PLD5: variants seen among roughly 807,000 people sequenced by gnomAD.
PLD5 encodes inactive phospholipase D5.
In PLD5, 36 loss-of-function variants were observed where a neutral mutation model predicts 61.1. The ratio of observed to expected loss-of-function variants is 0.59; its 90% confidence interval spans 0.45 to 0.78. The LOEUF is 0.78. Among genes scored for constraint, PLD5 ranks in the 30% least tolerant of loss-of-function variants. The probability of loss-of-function intolerance (pLI) is 0.00; values close to 1 mark genes in which losing one functional copy is unlikely to be tolerated. For missense variants in PLD5, 515 were observed against 644.4 expected (o/e 0.80, Z 2.17); for synonymous variants, 243 against 242.8 (o/e 1.00, Z -0.01).
At chr1:242,116,735 G>T (rs764466078) in intron 6 of PLD5, among the ~76,000 whole-genome samples, 1 of 152,176 alleles carries the variant, frequency 6.6e-6, no homozygotes, top group East Asian at 1.9e-4. Context: ...TGCTGCAAAA[G>T]ACATGATTTT....
At chr1:242,366,880 T>G (rs1385716978) in intron 1 of PLD5, among the ~76,000 whole-genome samples, 5 of 152,176 alleles carry the variant, frequency 3.3e-5, no homozygotes, top group Non-Finnish European at 5.9e-5. Context: ...TTTTTGTGTT[T>G]TACAACCCTG....
chr1:242,150,148 T>C (rs753734243), intron 5 of PLD5, among the ~76,000 whole-genome samples: 8 of 151,830 alleles, frequency 5.3e-5, no homozygotes, highest in Non-Finnish European at 8.9e-5. Context: ...TATTCATATA[T>C]TCACAGATTG....
In PLD5 at chr1:242,404,875, A is replaced by ATTTTTTTTTT. The variant is rs11361107; in HGVS notation, c.190-56643_190-56634dup. On this transcript the variant is annotated intron_variant, in intron 1 of 9. Coordinates refer to ENST00000536534, the MANE Select transcript of PLD5 (RefSeq NM_001372062.1). Reference sequence around the variant, plus strand: ...CATGCCTCTTATCTGTTCCCTGCTAATTTTTTTTTTTTTTTTTTTTTTGAG... The same window carrying ATTTTTTTTTT: ...CATGCCTCTTATCTGTTCCCTGCTAATTTTTTTTTTTTTTTTTTTTTTTTTTTTTTTTGAG... Among the ~76,000 whole-genome samples the ATTTTTTTTTT allele has an allele frequency of 3.0e-3, 223 of 75,378 alleles. 25 individuals are homozygous for ATTTTTTTTTT. The highest frequency in any genetic ancestry group is 0.011 in the African/African-American group (186 of 16,346). The allele number at this position is 75,378 out of a possible 152,430, so 49.5% of individuals were successfully genotyped here. A position where few individuals can be genotyped will look rare whatever the true frequency, so the allele number is the denominator to read the frequency against.
intron 5 of PLD5, among the ~76,000 whole-genome samples, chr1:242,161,049 ATAT>A (rs1483199675): frequency 1.3e-5 from 2 of 152,050 alleles, no homozygotes; most frequent in Admixed American, 1.3e-4. Context: ...TGGTACAATA[ATAT>A]TTACTGCATT....
chr1:242,368,171 G>A (rs1438617425), intron 1 of PLD5, among the ~76,000 whole-genome samples: 1 of 152,080 alleles, frequency 6.6e-6, no homozygotes. Flanking sequence ...GACTTTTGCT[G>A]GAATGATTCA....
chr1:242,295,697 G>A (rs1263840063), intron 2 of PLD5, among the ~76,000 whole-genome samples: 1 of 152,134 alleles, frequency 6.6e-6, no homozygotes, highest in Non-Finnish European at 1.5e-5. Context: ...TCTATTTTTA[G>A]TTTGCTGAGA....
chr1:242,500,522 G>A (rs193291112), intron 1 of PLD5, among the ~76,000 whole-genome samples: 172 of 152,244 alleles, frequency 1.1e-3, no homozygotes, highest in African/African-American at 3.8e-3. Flanking sequence ...ATTAAGTGCC[G>A]AACTGTGATA....
intron 5 of PLD5, among the ~76,000 whole-genome samples, chr1:242,198,036 G>A (rs1558332709): frequency 6.6e-6 from 1 of 152,104 alleles, no homozygotes; most frequent in Non-Finnish European, 1.5e-5. Context: ...TGCCAGTGGA[G>A]CCTGGTACAG....
Position 242,394,705 on chromosome 1 carries a change from C to T in PLD5, c.190-46463G>A, listed in dbSNP as rs185824864. ...GAACATATATGTGTATATATGTGAA[C>T]ATATATGTGTATATATGTGAACATA... On this transcript the variant is annotated intron_variant, in intron 1 of 9. Coordinates refer to ENST00000536534, the MANE Select transcript of PLD5 (RefSeq NM_001372062.1). Among the ~76,000 whole-genome samples, 32 of 25,848 alleles carry T rather than the reference C, an allele frequency of 1.2e-3. 6 individuals carry two copies. The highest frequency in any genetic ancestry group is 2.7e-3 in the African/African-American group (11 of 4,116). 17.0% of individuals were successfully genotyped at this position (25,848 alleles called of 152,430 possible).
Position 242,413,301 on chromosome 1 carries a change from T to A in PLD5, c.190-65059A>T, listed in dbSNP as rs566384375. On this transcript the variant is annotated intron_variant, in intron 1 of 9. Transcript: ENST00000536534. ...ATATTTTTCTAACCCTTTGTCGTCATGATCTCTCTTTTTTTTTTTTCTACC... is the reference window on the plus strand; with the variant it reads ...ATATTTTTCTAACCCTTTGTCGTCAAGATCTCTCTTTTTTTTTTTTCTACC... 8.8e-4 allele frequency among the ~76,000 whole-genome samples: 134 copies of A among 152,218 alleles called. 1 individual carries two copies. The highest frequency in any genetic ancestry group is 2.3e-3 in the African/African-American group (97 of 41,518).
chr1:242,354,129 C>A (rs1237659019), intron 1 of PLD5, among the ~76,000 whole-genome samples: 1 of 151,896 alleles, frequency 6.6e-6, no homozygotes, highest in South Asian at 2.1e-4. Flanking sequence ...TGGCAGGAAC[C>A]AGCAGATGAT....
chr1:242,256,314 T>C lies in PLD5; in HGVS notation c.607+9023A>G, dbSNP rs1002253110. 1.3e-5 allele frequency among the ~76,000 whole-genome samples: 2 copies of C among 152,250 alleles called. No individual in the cohort carries two copies. The highest frequency in any genetic ancestry group is 4.8e-5 in the African/African-American group (2 of 41,462). On this transcript the variant is annotated intron_variant, in intron 4 of 9. Transcript: ENST00000536534. This position sits in a 1 kb window ranked among gnomAD's most constrained non-coding sequence, Gnocchi z 5.7. ...ATATGGATAAAAAGATAGGGAAATC[T>C]AGAAATTTAATTTTAAAATCTCATG...
intron 2 of PLD5, among the ~76,000 whole-genome samples, chr1:242,301,744 GTTTA>G (rs992195643): frequency 3.2e-4 from 43 of 133,234 alleles, no homozygotes; most frequent in Middle Eastern, 4.1e-3. Context: ...CCTTCCGTAG[GTTTA>G]TTTTTATTTT....
At chr1:242,148,566 C>T (rs1416622746) in intron 5 of PLD5, among the ~76,000 whole-genome samples, 1 of 151,828 alleles carries the variant, frequency 6.6e-6, no homozygotes, top group African/African-American at 2.4e-5. Context: ...ACCTATTGCT[C>T]AGTTTGAGGG....
chr1:242,114,582 A>G (rs953841525), intron 6 of PLD5, among the ~76,000 whole-genome samples: 2 of 152,222 alleles, frequency 1.3e-5, no homozygotes, highest in Non-Finnish European at 2.9e-5. Flanking sequence ...GCAAAGCTTC[A>G]TCTGTATTTA....
At chr1:242,242,010 T>TATAC (rs1266949663) in intron 4 of PLD5, among the ~76,000 whole-genome samples, 1 of 118,694 alleles carries the variant, frequency 8.4e-6, no homozygotes, top group South Asian at 2.8e-4. Flanking sequence ...TATATATATA[T>TATAC]AGACACACAC....
intron 1 of PLD5, among the ~76,000 whole-genome samples, chr1:242,493,903 T>C (rs1668260588): frequency 6.6e-6 from 1 of 152,208 alleles, no homozygotes; most frequent in Admixed American, 6.5e-5. Flanking sequence ...TCCCTTCTCA[T>C]AGCTAAGCTC....
At chr1:242,487,718 T>C (rs1391431155) in intron 1 of PLD5, among the ~76,000 whole-genome samples, 1 of 152,086 alleles carries the variant, frequency 6.6e-6, no homozygotes, top group Non-Finnish European at 1.5e-5. Context: ...AATTTTAAAA[T>C]GAGCAAAAGA....
Position 242,470,601 on chromosome 1 carries a change from T to C in PLD5, c.189+53487A>G, listed in dbSNP as rs1365641870. ...CTAGAGTCTAGCCACATAATAGGTG[T>C]TCAATTATTAATACTGAATAATACT... On this transcript the variant is annotated intron_variant, in intron 1 of 9. Transcript: ENST00000536534. Among the ~76,000 whole-genome samples the C allele has an allele frequency of 2.0e-5, 3 of 152,260 alleles. No homozygotes were observed. In the South Asian group the frequency reaches 6.2e-4, roughly 32 times the overall value.
Sources: allele counts gnomAD v4.1 joint callset (sites outside exome capture counted in the v4.1 genomes callset), GRCh38; gene constraint gnomAD v4.1.1; non-coding constraint Gnocchi (gnomAD v3.1); transcripts MANE v1.5; gene names NCBI Gene and HGNC (gene_info 2026-07-23, HGNC 2026-07-21).